The following SKOR1 variants were observed in gnomAD, a reference collection of about 807,000 sequenced individuals.
The protein encoded by SKOR1 is LBX1 corepressor 1.
SKOR1 carries 38 observed loss-of-function variants against 72.4 expected under a neutral mutation model. That is an observed-to-expected ratio of 0.52 (90% CI 0.40 to 0.69). The LOEUF is 0.69. Ranked by LOEUF, SKOR1 falls within the 30% of genes least tolerant of loss-of-function variation. The probability of loss-of-function intolerance (pLI) is 0.00; values close to 1 mark genes in which losing one functional copy is unlikely to be tolerated. For synonymous variants in SKOR1, 642 were observed against 599.4 expected, an observed-to-expected ratio of 1.07 and a Z score of -1.04; for missense variants, 1,320 against 1,343.2, an observed-to-expected ratio of 0.98 and a Z score of 0.27.
chr15:67,827,344 G>A lies in SKOR1; in HGVS notation c.1516G>A (p.Ala506Thr), dbSNP rs1328572560. ...GSLPVPSYPA[A>T]QSQAKAVAAA... ...CCTCCCGGTACCGTCCTACCCCGCT[G>A]CTCAGAGCCAAGCCAAGGCCGTGGC... is the stretch of plus-strand genomic sequence containing the variant. The change falls in exon 2 of 9, where the codon GCT becomes ACT. Residue 506 changes from alanine to threonine, a missense_variant. This residue lies in a region of SKOR1 where 1,099 missense variants were observed against 1,025.5 expected (regional missense o/e 1.07). Transcript: ENST00000380035. 2 of 1,586,862 alleles carry A rather than the reference G, an allele frequency of 1.3e-6. No individual in the cohort carries two copies. Among genetic ancestry groups the A allele is most frequent in the Non-Finnish European group, 1.7e-6 (2 of 1,175,022 alleles).
chr15:67,826,175 T>C lies in SKOR1; in HGVS notation c.347T>C (p.Ile116Thr), dbSNP rs80315297. Residue 116 changes from isoleucine to threonine, a missense_variant, in exon 2 of 9, where the codon ATC becomes ACC. This residue lies in a region of SKOR1 where 101 missense variants were observed against 212.8 expected (regional missense o/e 0.47). Transcript: ENST00000380035. ...TLLKNYSYNE[I>T]HNRRVALGIT... ...CTCAAGAACTACAGCTATAATGAGA[T>C]CCACAACCGCCGCGTGGCCCTGGGC... is the stretch of plus-strand genomic sequence containing the variant. 6.2e-7 allele frequency: 1 copy of C among 1,613,242 alleles called. No individual in the cohort carries two copies. The highest frequency in any genetic ancestry group is 1.3e-5 in the African/African-American group (1 of 75,020).
In SKOR1 at chr15:67,825,829, C is replaced by G. The variant is rs1688610094; in HGVS notation, c.108-107C>G. On this transcript the variant is annotated intron_variant, in intron 1 of 8. Transcript: ENST00000380035. The surrounding 1 kb of genome is among the most constrained non-coding windows in gnomAD (Gnocchi z 5.6). Reference sequence around the variant, plus strand: ...TGAATGAGTTTGGACTCCCCACTGCCAAGTATCCCCCGCGCGCCCAACTCG... The same window carrying G: ...TGAATGAGTTTGGACTCCCCACTGCGAAGTATCCCCCGCGCGCCCAACTCG... 6.6e-7 allele frequency: 1 copy of G among 1,518,894 alleles called. No homozygotes were observed. Among genetic ancestry groups the G allele is most frequent in the Admixed American group, 2.2e-5 (1 of 46,180 alleles). 94.1% of individuals were successfully genotyped at this position (1,518,894 alleles called of 1,614,324 possible).
chr15:67,833,271 G>C lies in SKOR1; in HGVS notation c.2803+14G>C. ...AGAAATTGAAAGGTGCGGAAGCCGG[G>C]AAACAAAGATAGGAGGGGTGCTGGG... is the stretch of plus-strand genomic sequence containing the variant. On this transcript the variant is annotated intron_variant, in intron 8 of 8. Coordinates refer to ENST00000380035, the MANE Select transcript of SKOR1 (RefSeq NM_001365915.1). This position sits in a 1 kb window ranked among gnomAD's most constrained non-coding sequence, Gnocchi z 6.0. The C allele has an allele frequency of 1.2e-6, 2 of 1,614,038 alleles. No homozygotes were observed. The highest frequency in any genetic ancestry group is 1.3e-5 in the African/African-American group (1 of 75,034).
intron 4 of SKOR1, 124 bp from the exon 5 acceptor site, chr15:67,830,694 T>A (rs2091001783): frequency 2.3e-6 from 2 of 872,404 alleles, no homozygotes; most frequent in Non-Finnish European, 3.8e-6. Context: ...CCTGTAACTG[T>A]CTCCTCTAAA....
At chr15:67,831,904 G>GGGGGGGGGGGC (rs2091010511) in intron 5 of SKOR1, among the ~76,000 whole-genome samples, 11 of 104,812 alleles carry the variant, frequency 1.0e-4, no homozygotes, top group African/African-American at 3.2e-4. Flanking sequence ...GCGGCGGTGC[G>GGGGGGGGGGGC]GGGGGGGGAG....
Position 67,834,439 on chromosome 15 carries a change from G to C in SKOR1, c.*603G>C, listed in dbSNP as rs2091032398. On this transcript the variant is annotated 3_prime_UTR_variant, in exon 9 of 9. Coordinates refer to ENST00000380035, the MANE Select transcript of SKOR1 (RefSeq NM_001365915.1). The surrounding 1 kb of genome is among the most constrained non-coding windows in gnomAD (Gnocchi z 5.8). Reference sequence around the variant, plus strand: ...TGGCTATTTTTTGTTGTAACCTCTTGATGTAACAGCACTTTAAAAGGGCGA... The same window carrying C: ...TGGCTATTTTTTGTTGTAACCTCTTCATGTAACAGCACTTTAAAAGGGCGA... 6.4e-6 allele frequency: 1 copy of C among 156,728 alleles called. No individual in the cohort carries two copies. The highest frequency in any genetic ancestry group is 2.4e-5 in the African/African-American group (1 of 41,506). 9.7% of individuals were successfully genotyped at this position (156,728 alleles called of 1,614,324 possible). A position where few individuals can be genotyped will look rare whatever the true frequency, so the allele number is the denominator to read the frequency against.
In SKOR1 at chr15:67,827,658, G is replaced by A; in HGVS notation, c.1830G>A (p.Gly610=). The A allele has an allele frequency of 6.5e-7, 1 of 1,532,284 alleles. No homozygotes were observed. Among genetic ancestry groups the A allele is most frequent in the Middle Eastern group, 1.7e-4 (1 of 5,856 alleles). 94.9% of individuals were successfully genotyped at this position (1,532,284 alleles called of 1,614,324 possible). A position where few individuals can be genotyped will look rare whatever the true frequency, so the allele number is the denominator to read the frequency against. ...CCGAGAGCATCGCTAAGCTCTACGGGAGCGCCCGGGAGGCGTACGGCGCGG... is the reference window on the plus strand; with the variant it reads ...CCGAGAGCATCGCTAAGCTCTACGGAAGCGCCCGGGAGGCGTACGGCGCGG... ...KDTESIAKLY[G]SAREAYGAGP... Residue 610 remains glycine, a synonymous_variant, in exon 2 of 9, where the codon GGG becomes GGA. Transcript: ENST00000380035.
chr15:67,831,908 GGGGGAGGTCGGGGCCGGGGC>G (rs2091010881), intron 5 of SKOR1, among the ~76,000 whole-genome samples: 1 of 148,034 alleles, frequency 6.8e-6, no homozygotes, highest in Non-Finnish European at 1.5e-5. Flanking sequence ...CGGTGCGGGG[GGGGGAGGTCGGGGCCGGGGC>G]GGGGGCGGGG....
chr15:67,830,468 G>T (rs1392483180), intron 4 of SKOR1, among the ~76,000 whole-genome samples, 170 bp downstream of exon 4: 1 of 152,216 alleles, frequency 6.6e-6, no homozygotes, highest in Admixed American at 6.5e-5. Flanking sequence ...TGCAGGCCAG[G>T]TTTTCTGAAT....
rs1226864264 is a variant in SKOR1, at chr15:67,832,116, C to A, written c.2588-158C>A. On this transcript the variant is annotated intron_variant, in intron 5 of 8. Transcript: ENST00000380035. The surrounding 1 kb of genome is among the most constrained non-coding windows in gnomAD (Gnocchi z 4.5). ...CACAGCCCAGTTTCTTCACCCAAATCCTTTGAATGCAGTTGGTAAAGCCAG... is the reference window on the plus strand; with the variant it reads ...CACAGCCCAGTTTCTTCACCCAAATACTTTGAATGCAGTTGGTAAAGCCAG... Among the ~76,000 whole-genome samples, 6 of 152,178 alleles carry A rather than the reference C, an allele frequency of 3.9e-5. No homozygotes were observed. Among genetic ancestry groups the A allele is most frequent in the African/African-American group, 1.4e-4 (6 of 41,424 alleles).
In SKOR1 at chr15:67,832,691, G is replaced by A. The variant is rs1436203338; in HGVS notation, c.2737+10G>A. 6.2e-7 allele frequency: 1 copy of A among 1,613,020 alleles called. No individual in the cohort carries two copies. The highest frequency in any genetic ancestry group is 8.5e-7 in the Non-Finnish European group (1 of 1,179,330). ...CTGCAAATTGTCAGAGGTAAGACGG[G>A]AGTCAGGTGAGCTCGTGCACGGGCC... On this transcript the variant is annotated intron_variant, in intron 7 of 8. Coordinates refer to ENST00000380035, the MANE Select transcript of SKOR1 (RefSeq NM_001365915.1). The surrounding 1 kb of genome is among the most constrained non-coding windows in gnomAD (Gnocchi z 4.5).
chr15:67,826,329 G>C lies in SKOR1; in HGVS notation c.501G>C (p.Leu167=), dbSNP rs1244368483. 1 of 1,613,582 alleles carries C rather than the reference G, an allele frequency of 6.2e-7. No homozygotes were observed. Among genetic ancestry groups the C allele is most frequent in the Non-Finnish European group, 8.5e-7 (1 of 1,180,010 alleles). Residue 167 remains leucine (L), a synonymous_variant, in exon 2 of 9, where the codon CTG becomes CTC. Transcript: ENST00000380035. ...REAERLCKSF[L]GEHKPPKLPE... is the part of the protein sequence containing the mutation. ...CCGAACGCCTGTGCAAGTCGTTCCT[G>C]GGCGAGCACAAACCACCCAAGCTGC...
At chr15:67,831,335 A>G (rs1258533472) in intron 5 of SKOR1, among the ~76,000 whole-genome samples, 1 of 152,200 alleles carries the variant, frequency 6.6e-6, no homozygotes, top group Non-Finnish European at 1.5e-5. Context: ...TTCTCCTGGC[A>G]TTGAGGTATA....
In SKOR1 at chr15:67,832,511, G is replaced by C; in HGVS notation, c.2663-96G>C. ...GCTGCAGGCGAATGGCTGGGTGGGA[G>C]TTGGGGGTAGGGGTGAAAGGGGGGG... On this transcript the variant is annotated intron_variant, in intron 6 of 8. Transcript: ENST00000380035. The surrounding 1 kb of genome is among the most constrained non-coding windows in gnomAD (Gnocchi z 4.5). 7.5e-7 allele frequency: 1 copy of C among 1,332,090 alleles called. No individual in the cohort carries two copies. Among genetic ancestry groups the C allele is most frequent in the Non-Finnish European group, 1.1e-6 (1 of 939,962 alleles). The allele number at this position is 1,332,090 out of a possible 1,614,324, so 82.5% of individuals were successfully genotyped here.
At position 67,827,467 on chromosome 15, in the gene SKOR1, C is replaced by T; in HGVS notation, c.1639C>T (p.Leu547Phe). 6.6e-7 allele frequency: 1 copy of T among 1,521,782 alleles called. No individual in the cohort carries two copies. The highest frequency in any genetic ancestry group is 8.8e-7 in the Non-Finnish European group (1 of 1,141,782). 94.3% of individuals were successfully genotyped at this position (1,521,782 alleles called of 1,614,324 possible). A position where few individuals can be genotyped will look rare whatever the true frequency, so the allele number is the denominator to read the frequency against. ...TGCCGAGCCAGCCAAAGAGAGTGGC[C>T]TCGGCGCGGAGGAGCGCTGCCCGAG... Reference protein sequence around the residue: ...DGAEPAKESGLGAEERCPSAL... With the variant: ...DGAEPAKESGFGAEERCPSAL... The change falls in exon 2 of 9, where the codon CTC becomes TTC. Residue 547 changes from leucine to phenylalanine, a missense_variant. Physicochemically the swap from Leu to Phe is conservative, Grantham distance 22. Around this residue, in one of 3 missense-constraint regions of SKOR1, gnomAD observed 1,099 missense variants for 1,025.5 expected, o/e 1.07. Transcript: ENST00000380035.
intron 2 of SKOR1, among the ~76,000 whole-genome samples, chr15:67,828,378 C>G (rs114075979): frequency 0.01 from 1,556 of 152,242 alleles, 24 homozygotes; most frequent in African/African-American, 0.036. Context: ...GACTGGGGAA[C>G]TTGTGTGCTT....
intron 4 of SKOR1, 115 bp downstream of exon 4, chr15:67,830,413 A>C: frequency 1.2e-6 from 1 of 866,236 alleles, no homozygotes; most frequent in South Asian, 1.5e-5. Flanking sequence ...AGCGGCTGCC[A>C]GTCTTCTTCC....
At chr15:67,829,304 G>A (rs769704116) in intron 3 of SKOR1, 35 bp downstream of exon 3, 2 of 1,499,440 alleles carry the variant, frequency 1.3e-6, no homozygotes, top group African/African-American at 1.4e-5. Context: ...CACTGTAATG[G>A]GGGAACCGCA....
intron 5 of SKOR1, 64 bp downstream of exon 5, chr15:67,830,953 G>C: frequency 6.6e-7 from 1 of 1,518,232 alleles, no homozygotes. Context: ...TTCCTGTAGA[G>C]GGGTGTTATC....
Sources: allele counts gnomAD v4.1 joint callset (sites outside exome capture counted in the v4.1 genomes callset), GRCh38; gene constraint gnomAD v4.1.1; regional missense constraint gnomAD v4.1.1; non-coding constraint Gnocchi (gnomAD v3.1); transcripts MANE v1.5; gene names NCBI Gene and HGNC (gene_info 2026-07-23, HGNC 2026-07-21).